ZNF536: variants seen among roughly 807,000 people sequenced by gnomAD.
ZNF536 encodes the protein zinc finger protein 536.
In ZNF536, 13 loss-of-function variants were observed where a neutral mutation model predicts 84.5. The ratio of observed to expected loss-of-function variants is 0.15; its 90% CI spans 0.10 to 0.24. ZNF536 has a LOEUF of 0.24. ZNF536 is among the 10% of genes least tolerant of loss of function. The pLI, the probability that ZNF536 is intolerant of heterozygous loss-of-function variation, is 1.00. For missense variants in ZNF536, 1,536 were observed against 1,747.5 expected, an observed-to-expected ratio of 0.88 and a Z score of 2.16; for synonymous variants, 811 against 742.5, an observed-to-expected ratio of 1.09 and a Z score of -1.50.
chr19:30,309,523 C>A (rs899836255), intron 2 of ZNF536, among the ~76,000 whole-genome samples: 33 of 152,158 alleles, frequency 2.2e-4, no homozygotes, highest in African/African-American at 7.7e-4. Context: ...ACTGCTGCAG[C>A]AAAAATCAAT....
intron 2 of ZNF536, among the ~76,000 whole-genome samples, chr19:30,509,452 TTATA>T (rs972761656): frequency 4.7e-5 from 7 of 148,180 alleles, no homozygotes; most frequent in Non-Finnish European, 1.0e-4. Context: ...AGTATATAAT[TTATA>T]TATAATATCT....
chr19:30,685,358 CTCT>C (rs1314474524), intron 1 of ZNF536, among the ~76,000 whole-genome samples: 3 of 152,162 alleles, frequency 2.0e-5, no homozygotes, highest in African/African-American at 7.2e-5. Context: ...TATCTGTGGG[CTCT>C]TACAGCGGGA....
chr19:30,600,643 C>A (rs187230246), intron 1 of ZNF536, among the ~76,000 whole-genome samples: 1 of 152,204 alleles, frequency 6.6e-6, no homozygotes, highest in Non-Finnish European at 1.5e-5. Flanking sequence ...AGCAAACTGG[C>A]GCCCCGGAGG....
intron 1 of ZNF536, among the ~76,000 whole-genome samples, chr19:30,236,588 CAGA>C (rs1172661975): frequency 7.3e-5 from 11 of 151,452 alleles, no homozygotes; most frequent in Admixed American, 7.2e-4. Flanking sequence ...ATTTTGAAGG[CAGA>C]AGAAGTACAG....
At chr19:30,534,748 G>C (rs1019803910) in intron 2 of ZNF536, 99 bp from the exon 3 acceptor site, 19 of 1,258,306 alleles carry the variant, frequency 1.5e-5, no homozygotes, top group Admixed American at 7.1e-5. Flanking sequence ...GACAGGTGTA[G>C]TATTGACATG....
At chr19:30,642,230 T>G (rs1163599501) in intron 1 of ZNF536, among the ~76,000 whole-genome samples, 2 of 152,234 alleles carry the variant, frequency 1.3e-5, no homozygotes, top group Non-Finnish European at 2.9e-5. Flanking sequence ...CTAAGTAATC[T>G]TCAGCTCCTT....
intron 1 of ZNF536, among the ~76,000 whole-genome samples, chr19:30,238,388 A>C (rs1229123170): frequency 6.6e-6 from 1 of 152,050 alleles, no homozygotes; most frequent in Non-Finnish European, 1.5e-5. Flanking sequence ...CTAAACAAAT[A>C]TTCTCACTCC....
chr19:30,707,041 A>C (rs2148045426), intron 1 of ZNF536, among the ~76,000 whole-genome samples: 1 of 152,246 alleles, frequency 6.6e-6, no homozygotes, highest in East Asian at 1.9e-4. Context: ...TGTCCATTTC[A>C]GAGTAGCTCG....
At chr19:30,476,392 A>G (rs1184803338) in intron 2 of ZNF536, among the ~76,000 whole-genome samples, 1 of 152,094 alleles carries the variant, frequency 6.6e-6, no homozygotes, top group Admixed American at 6.6e-5. Context: ...TTAAGTAGGT[A>G]AACAATTGTA....
At chr19:30,241,826 A>G (rs2144876653) in intron 1 of ZNF536, among the ~76,000 whole-genome samples, 1 of 152,306 alleles carries the variant, frequency 6.6e-6, no homozygotes, top group Admixed American at 6.5e-5. Flanking sequence ...GAAGACTAGG[A>G]AGGGAGAGAA....
At chr19:30,345,754 CG>C (rs1254652946) in intron 2 of ZNF536, among the ~76,000 whole-genome samples, 1 of 152,158 alleles carries the variant, frequency 6.6e-6, no homozygotes, top group Admixed American at 6.5e-5. Context: ...GACCCACCAG[CG>C]GGAGCCACAG....
At chr19:30,297,795 A>C (rs1178936050) in intron 2 of ZNF536, among the ~76,000 whole-genome samples, 14 of 151,846 alleles carry the variant, frequency 9.2e-5, no homozygotes. Context: ...ATAGCATGGG[A>C]GCTTGGGCGC....
intron 1 of ZNF536, among the ~76,000 whole-genome samples, chr19:30,646,379 T>C (rs1031206017): frequency 1.3e-5 from 2 of 152,246 alleles, no homozygotes; most frequent in African/African-American, 4.8e-5. Flanking sequence ...CGACTGTGTG[T>C]ACACGTGTCT....
chr19:30,541,915 G>A (rs986242251), intron 3 of ZNF536, among the ~76,000 whole-genome samples: 9 of 152,116 alleles, frequency 5.9e-5, no homozygotes, highest in Admixed American at 5.9e-4. Context: ...TGCTTTGGGG[G>A]AATTAGTGTA....
intron 2 of ZNF536, among the ~76,000 whole-genome samples, chr19:30,338,645 C>T (rs2047465266): frequency 6.6e-6 from 1 of 152,126 alleles, no homozygotes; most frequent in South Asian, 2.1e-4. Context: ...ACTACTTGAC[C>T]TCCTTTTGCC....
chr19:30,619,935 G>C (rs573774977), intron 1 of ZNF536, among the ~76,000 whole-genome samples: 9 of 152,036 alleles, frequency 5.9e-5, no homozygotes, highest in Admixed American at 3.9e-4. Flanking sequence ...CTGTTTATTG[G>C]GCTATTCTGC....
intron 2 of ZNF536, among the ~76,000 whole-genome samples, chr19:30,343,102 C>T (rs1343594704): frequency 6.6e-6 from 1 of 152,140 alleles, no homozygotes; most frequent in Non-Finnish European, 1.5e-5. Flanking sequence ...CAGCCTTGGG[C>T]CCCTGGATAA....
At chr19:30,531,636 T>TA (rs979189227) in intron 2 of ZNF536, among the ~76,000 whole-genome samples, 2 of 151,952 alleles carry the variant, frequency 1.3e-5, no homozygotes, top group Non-Finnish European at 2.9e-5. Context: ...TCCATATATA[T>TA]TTTTTTGAGA....
At chr19:30,604,715 T>C (rs1308686505) in intron 1 of ZNF536, among the ~76,000 whole-genome samples, 1 of 152,174 alleles carries the variant, frequency 6.6e-6, no homozygotes, top group African/African-American at 2.4e-5. Flanking sequence ...TCTTGGGAAA[T>C]GATTTAAAAG....
Sources: gnomAD v4.1 joint callset for allele counts (sites outside exome capture counted in the v4.1 genomes callset) on GRCh38, gnomAD v4.1.1 for gene constraint, MANE v1.5 for transcripts, NCBI Gene and HGNC (gene_info 2026-07-23, HGNC 2026-07-21) for gene names.